The following SMCP variants were observed in gnomAD, a reference collection of about 807,000 sequenced individuals.
The protein encoded by SMCP is sperm mitochondria associated cysteine rich protein, also known as sperm mitochondrial-associated cysteine-rich protein.
For synonymous variants in SMCP, 41 were observed against 46.9 expected (o/e 0.87, Z 0.51); for missense variants, 137 against 137.1 (o/e 1.00, Z 0.01).
intron 1 of SMCP, among the ~76,000 whole-genome samples, chr1:152,882,267 G>C (rs568775965): frequency 2.4e-4 from 36 of 152,110 alleles, no homozygotes; most frequent in Non-Finnish European, 3.2e-4. Flanking sequence ...CACTGTGTCC[G>C]GCCCTCCCCC....
At chr1:152,879,684 A>G (rs918775265) in intron 1 of SMCP, among the ~76,000 whole-genome samples, 4 of 152,218 alleles carry the variant, frequency 2.6e-5, no homozygotes, top group African/African-American at 9.6e-5. Flanking sequence ...CAGGACCTGC[A>G]TCCATGGGGG....
At chr1:152,878,878 G>T (rs562060243) in intron 1 of SMCP, among the ~76,000 whole-genome samples, 1 of 152,284 alleles carries the variant, frequency 6.6e-6, no homozygotes, top group East Asian at 1.9e-4. Flanking sequence ...ACCCAGGAAG[G>T]GTGGTTTAAG....
intron 1 of SMCP, among the ~76,000 whole-genome samples, chr1:152,880,165 G>A (rs1648990213): frequency 6.6e-6 from 1 of 152,146 alleles, no homozygotes; most frequent in South Asian, 2.1e-4. Flanking sequence ...AACACAGAGA[G>A]GAACAACAGA....
chr1:152,884,989 C>A lies in SMCP; in HGVS notation c.*216C>A, dbSNP rs1649174695. The A allele has an allele frequency of 6.9e-6, 4 of 583,910 alleles. No homozygotes were observed. In the East Asian group the frequency reaches 1.1e-4, roughly 16 times the overall value. 36.2% of individuals were successfully genotyped at this position (583,910 alleles called of 1,614,324 possible). A position where few individuals can be genotyped will look rare whatever the true frequency, so the allele number is the denominator to read the frequency against. On this transcript the variant is annotated 3_prime_UTR_variant, in exon 2 of 2. Transcript: ENST00000368765. ...AATGGGAGGATGAAGAGGCTAGAAT[C>A]ATCTTTCCTAGTGATCCTGACATTT...
At chr1:152,882,017 CA>C (rs1345267514) in intron 1 of SMCP, among the ~76,000 whole-genome samples, 4 of 152,014 alleles carry the variant, frequency 2.6e-5, no homozygotes, top group Non-Finnish European at 5.9e-5. Flanking sequence ...CTCTTCTTGC[CA>C]AGGCTGGAGT....
chr1:152,882,196 C>T (rs1461286587), intron 1 of SMCP, among the ~76,000 whole-genome samples: 1 of 152,100 alleles, frequency 6.6e-6, no homozygotes, highest in Non-Finnish European at 1.5e-5. Context: ...GTTCTGAACC[C>T]CCGACCTCAG....
chr1:152,882,760 G>T (rs1649094740), intron 1 of SMCP, among the ~76,000 whole-genome samples: 1 of 152,168 alleles, frequency 6.6e-6, no homozygotes, highest in African/African-American at 2.4e-5. Flanking sequence ...AAACAAGTTT[G>T]GGGGCTGGGA....
intron 1 of SMCP, among the ~76,000 whole-genome samples, chr1:152,881,656 C>T (rs1178606670): frequency 2.0e-5 from 3 of 147,308 alleles, no homozygotes; most frequent in Non-Finnish European, 3.0e-5. Flanking sequence ...CCACTGCAGT[C>T]CGCAGTCCGG....
intron 1 of SMCP, among the ~76,000 whole-genome samples, chr1:152,882,417 G>T (rs1481666622): frequency 6.6e-6 from 1 of 152,198 alleles, no homozygotes; most frequent in Non-Finnish European, 1.5e-5. Flanking sequence ...GGGCTGTGGG[G>T]AAGCAGCCTG....
chr1:152,879,331 C>T (rs113126048), intron 1 of SMCP, among the ~76,000 whole-genome samples: 18,044 of 152,192 alleles, frequency 0.12, 2,692 homozygotes, highest in East Asian at 0.52. Context: ...AGTGATTCTC[C>T]TGCCTCAGCT....
Position 152,884,956 on chromosome 1 carries a change from C to T in SMCP, c.*183C>T. ...TAGCTCCCTACCCTAGGGAGGCCTCCATCTGGAAATGGGAGGATGAAGAGG... is the reference window on the plus strand; with the variant it reads ...TAGCTCCCTACCCTAGGGAGGCCTCTATCTGGAAATGGGAGGATGAAGAGG... On this transcript the variant is annotated 3_prime_UTR_variant, in exon 2 of 2. Transcript: ENST00000368765. The T allele has an allele frequency of 1.6e-6, 1 of 611,504 alleles. No individual in the cohort carries two copies. Among genetic ancestry groups the T allele is most frequent in the Non-Finnish European group, 2.9e-6 (1 of 341,386 alleles). 37.9% of individuals were successfully genotyped at this position (611,504 alleles called of 1,614,324 possible). A position where few individuals can be genotyped will look rare whatever the true frequency, so the allele number is the denominator to read the frequency against.
At chr1:152,883,414 G>A (rs1448935724) in intron 1 of SMCP, among the ~76,000 whole-genome samples, 1 of 152,184 alleles carries the variant, frequency 6.6e-6, no homozygotes, top group Non-Finnish European at 1.5e-5. Flanking sequence ...TGCCATAGGA[G>A]GGACCAGGGC....
At chr1:152,882,681 A>ACT (rs1553209288) in intron 1 of SMCP, among the ~76,000 whole-genome samples, 4 of 151,604 alleles carry the variant, frequency 2.6e-5, no homozygotes, top group Non-Finnish European at 4.4e-5. Flanking sequence ...ACACACACAC[A>ACT]CTCTCACAGA....
chr1:152,879,557 C>A (rs1648974060), intron 1 of SMCP, among the ~76,000 whole-genome samples: 1 of 152,092 alleles, frequency 6.6e-6, no homozygotes, highest in Middle Eastern at 3.2e-3. Flanking sequence ...TTGCAGGAGG[C>A]AGAGGGGTCC....
Position 152,885,008 on chromosome 1 carries a change from G to T in SMCP, c.*235G>T. The T allele has an allele frequency of 1.8e-6, 1 of 554,856 alleles. No individual in the cohort carries two copies. The allele number at this position is 554,856 out of a possible 1,614,324, so 34.4% of individuals were successfully genotyped here. On this transcript the variant is annotated 3_prime_UTR_variant, in exon 2 of 2. Coordinates refer to ENST00000368765, the MANE Select transcript of SMCP (RefSeq NM_030663.3). The stretch of plus-strand genomic sequence containing the variant: ...TAGAATCATCTTTCCTAGTGATCCT[G>T]ACATTTAGACAGCACAGAAATAAAG...
At chr1:152,883,142 A>G (rs1348397185) in intron 1 of SMCP, among the ~76,000 whole-genome samples, 1 of 152,106 alleles carries the variant, frequency 6.6e-6, no homozygotes, top group East Asian at 1.9e-4. Context: ...TTGCCACCTC[A>G]CCTCAGCAGT....
chr1:152,881,561 G>A lies in SMCP; in HGVS notation c.-20-2842G>A, dbSNP rs538439351. On this transcript the variant is annotated intron_variant, in intron 1 of 1. Transcript: ENST00000368765. ...AAATTAGCCGGGCGTGGTGGCGGGCGCCTGTAGTCCCAGCTACTCGGGAGG... is the reference window on the plus strand; with the variant it reads ...AAATTAGCCGGGCGTGGTGGCGGGCACCTGTAGTCCCAGCTACTCGGGAGG... Among the ~76,000 whole-genome samples the A allele has an allele frequency of 2.8e-3, 424 of 151,284 alleles. 3 individuals are homozygous for A. Among genetic ancestry groups the A allele is most frequent in the African/African-American group, 6.9e-3 (282 of 41,118 alleles).
At chr1:152,879,447 C>T (rs1231735941) in intron 1 of SMCP, among the ~76,000 whole-genome samples, 1 of 152,166 alleles carries the variant, frequency 6.6e-6, no homozygotes, top group Non-Finnish European at 1.5e-5. Context: ...TCTCAAACTC[C>T]TGACCTCAAG....
rs897959692 is a variant in SMCP at position 152,884,602 on chromosome 1, G to A, written c.180G>A (p.Gln60=). 15 of 1,614,018 alleles carry A rather than the reference G, an allele frequency of 9.3e-6. No individual in the cohort carries two copies. The highest frequency in any genetic ancestry group is 1.3e-5 in the Non-Finnish European group (15 of 1,180,032). ...CACCAAAACACAATCACTGCTGCCA[G>A]CCAAAACCCCCATGCTGCATTCAGG... ...CCPPKHNHCC[Q]PKPPCCIQAR... Residue 60 remains glutamine (Q), a synonymous_variant, in exon 2 of 2, where the codon CAG becomes CAA. Coordinates refer to ENST00000368765, the MANE Select transcript of SMCP (RefSeq NM_030663.3).
Sources: allele counts gnomAD v4.1 joint callset (sites outside exome capture counted in the v4.1 genomes callset), GRCh38; gene constraint gnomAD v4.1.1; transcripts MANE v1.5; gene names NCBI Gene and HGNC (gene_info 2026-07-23, HGNC 2026-07-21).